PRKCE: variants seen among roughly 807,000 people sequenced by gnomAD.
The protein encoded by PRKCE is protein kinase C epsilon type.
PRKCE carries 16 observed loss-of-function variants against 85.4 expected under a neutral mutation model. The observed-to-expected ratio is 0.19, with a 90% confidence interval of 0.13 to 0.28. PRKCE has a LOEUF of 0.28. Ranked by LOEUF, PRKCE falls within the 10% of genes least tolerant of loss-of-function variation. The pLI is 1.00. For missense variants in PRKCE, 573 were observed against 975.2 expected (o/e 0.59, Z 5.49); for synonymous variants, 388 against 371.5 (o/e 1.04, Z -0.51).
chr2:45,858,103 A>G (rs927894193), intron 2 of PRKCE, among the ~76,000 whole-genome samples: 5 of 152,190 alleles, frequency 3.3e-5, no homozygotes, highest in African/African-American at 4.8e-5. Context: ...GGTCATTGGC[A>G]GAGTGGCTGG....
chr2:45,794,672 T>G (rs1306837640), intron 1 of PRKCE, among the ~76,000 whole-genome samples: 1 of 152,186 alleles, frequency 6.6e-6, no homozygotes, highest in Non-Finnish European at 1.5e-5. Flanking sequence ...CACTGCTTTT[T>G]CATTTTCCTT....
chr2:45,946,700 G>T (rs925392253), intron 2 of PRKCE, among the ~76,000 whole-genome samples: 2 of 152,280 alleles, frequency 1.3e-5, no homozygotes, highest in South Asian at 4.1e-4. Context: ...TTGTGATAAA[G>T]GTACCAATAT....
At chr2:46,047,836 C>T (rs1235010420) in intron 10 of PRKCE, among the ~76,000 whole-genome samples, 1 of 152,196 alleles carries the variant, frequency 6.6e-6, no homozygotes. Flanking sequence ...AGCATTTCCA[C>T]TGCTTACTAA....
chr2:46,120,387 A>G (rs1477400992), intron 11 of PRKCE, among the ~76,000 whole-genome samples: 1 of 152,148 alleles, frequency 6.6e-6, no homozygotes, highest in Non-Finnish European at 1.5e-5. Context: ...ACTGGTAAAC[A>G]TTCTGCAATG....
At chr2:46,010,859 A>C in intron 10 of PRKCE, 2 of 1,518,804 alleles carry the variant, frequency 1.3e-6, no homozygotes, top group Non-Finnish European at 1.8e-6. Flanking sequence ...TAATCAAATC[A>C]CTTAACTTCT....
intron 2 of PRKCE, among the ~76,000 whole-genome samples, chr2:45,904,156 G>C (rs80060305): frequency 6.6e-6 from 1 of 151,804 alleles, no homozygotes; most frequent in Non-Finnish European, 1.5e-5. Context: ...TGCCCTCCTC[G>C]GCCTCCCAAT....
Position 45,677,866 on chromosome 2 carries a change from C to T in PRKCE, c.348+25418C>T, listed in dbSNP as rs986331089. On this transcript the variant is annotated intron_variant, in intron 1 of 14. Transcript: ENST00000306156. The stretch of plus-strand genomic sequence containing the variant: ...CGCTTCAGATGGGCAGTGAAAAAGA[C>T]GATGGAAAGGCCAGGACACCACGGA... 24 of 985,312 alleles carry T rather than the reference C, an allele frequency of 2.4e-5. No individual in the cohort carries two copies. The Middle Eastern group carries it at 1.5e-3, about 64-fold the overall frequency. 61.0% of individuals were successfully genotyped at this position (985,312 alleles called of 1,614,324 possible).
At position 45,992,412 on chromosome 2, in the gene PRKCE, C is replaced by T. The variant is rs574416129; in HGVS notation, c.823+7732C>T. On this transcript the variant is annotated intron_variant, in intron 6 of 14. Transcript: ENST00000306156. ...CTCTTTCTGGTGATGACATTTGGCC[C>T]AGCATGACCCCAGGGGGGCATCCCT... Among the ~76,000 whole-genome samples the T allele has an allele frequency of 2.0e-5, 3 of 152,278 alleles. No individual in the cohort carries two copies. The East Asian group carries it at 5.8e-4, about 29-fold the overall frequency.
chr2:45,840,822 C>T (rs954475512), intron 1 of PRKCE, among the ~76,000 whole-genome samples: 4 of 152,192 alleles, frequency 2.6e-5, no homozygotes, highest in Non-Finnish European at 5.9e-5. Context: ...TTGGAGAACA[C>T]CATTCCAGCT....
intron 1 of PRKCE, among the ~76,000 whole-genome samples, chr2:45,704,470 A>C (rs888680384): frequency 1.3e-5 from 2 of 152,064 alleles, no homozygotes; most frequent in African/African-American, 4.8e-5. Context: ...TCAAATCCTA[A>C]AGTGATTTTC....
At chr2:45,877,142 T>G (rs1380748754) in intron 2 of PRKCE, among the ~76,000 whole-genome samples, 1 of 152,194 alleles carries the variant, frequency 6.6e-6, no homozygotes, top group African/African-American at 2.4e-5. Context: ...AGTTATTTCC[T>G]TTGAGCACCT....
intron 1 of PRKCE, among the ~76,000 whole-genome samples, chr2:45,686,130 T>G (rs925197527): frequency 6.6e-6 from 1 of 152,154 alleles, no homozygotes; most frequent in African/African-American, 2.4e-5. Context: ...GGAAGGAGTA[T>G]GCAAGCAGAA....
chr2:46,039,914 A>T (rs182554955), intron 10 of PRKCE, among the ~76,000 whole-genome samples: 24 of 152,104 alleles, frequency 1.6e-4, no homozygotes, highest in Admixed American at 3.9e-4. Context: ...TCCTAGATTT[A>T]TTTCTCTGCT....
At chr2:46,049,902 C>T (rs1708749098) in intron 10 of PRKCE, among the ~76,000 whole-genome samples, 1 of 152,186 alleles carries the variant, frequency 6.6e-6, no homozygotes, top group Admixed American at 6.5e-5. Flanking sequence ...TCCTTCTGTC[C>T]ATCAAATCCA....
chr2:45,731,501 T>G (rs540256300), intron 1 of PRKCE, among the ~76,000 whole-genome samples: 1 of 152,270 alleles, frequency 6.6e-6, no homozygotes, highest in East Asian at 1.9e-4. Flanking sequence ...TCCTTAATTC[T>G]CAAGTTCATT....
At chr2:46,172,489 GCCTGGGCGTGCCTGGGCGGC>G (rs1384118309) in intron 14 of PRKCE, among the ~76,000 whole-genome samples, 3 of 132,124 alleles carry the variant, frequency 2.3e-5, no homozygotes, top group Admixed American at 7.2e-5. Flanking sequence ...GCCTGGGCGG[GCCTGGGCGTGCCTGGGCGGC>G]CCTGGGAGGG....
In PRKCE at chr2:45,928,396, T is replaced by C. The variant is rs148239779; in HGVS notation, c.413-48033T>C. On this transcript the variant is annotated intron_variant, in intron 2 of 14. Coordinates refer to ENST00000306156, the MANE Select transcript of PRKCE (RefSeq NM_005400.3). ...AATTCTCATGCCTCAGCTTCCCGAGTAGCTGGGATTACAGGCACACACCAC... is the reference window on the plus strand; with the variant it reads ...AATTCTCATGCCTCAGCTTCCCGAGCAGCTGGGATTACAGGCACACACCAC... Among the ~76,000 whole-genome samples, 610 of 152,268 alleles carry C rather than the reference T, an allele frequency of 4.0e-3. 4 individuals are homozygous for C. The highest frequency in any genetic ancestry group is 0.014 in the African/African-American group (589 of 41,558).
Position 45,961,151 on chromosome 2 carries a change from A to G in PRKCE, c.413-15278A>G, listed in dbSNP as rs1283017525. Among the ~76,000 whole-genome samples the G allele has an allele frequency of 2.6e-5, 4 of 152,216 alleles. No individual in the cohort carries two copies. The South Asian group carries it at 6.2e-4, about 24-fold the overall frequency. ...TAGTGATTCTAATATAAGCTGACCT[A>G]TCATAGCATTGATCCTTCCTCTGCT... is the stretch of plus-strand genomic sequence containing the variant. On this transcript the variant is annotated intron_variant, in intron 2 of 14. Transcript: ENST00000306156.
At chr2:45,825,944 T>A (rs371968831) in intron 1 of PRKCE, among the ~76,000 whole-genome samples, 29 of 152,172 alleles carry the variant, frequency 1.9e-4, no homozygotes, top group African/African-American at 7.0e-4. Context: ...GATGGGGGGA[T>A]GATAGACTTA....
Sources: gnomAD v4.1 joint callset for allele counts (sites outside exome capture counted in the v4.1 genomes callset) on GRCh38, gnomAD v4.1.1 for gene constraint, MANE v1.5 for transcripts, NCBI Gene and HGNC (gene_info 2026-07-23, HGNC 2026-07-21) for gene names.